The following PDSS2 variants were observed in gnomAD, a reference collection of about 807,000 sequenced individuals.
PDSS2 encodes the protein all trans-polyprenyl-diphosphate synthase PDSS2.
PDSS2 carries 31 observed loss-of-function variants against 44.5 expected under a neutral mutation model. The ratio of observed to expected loss-of-function variants is 0.70; its 90% CI spans 0.52 to 0.94. The LOEUF (loss-of-function observed/expected upper bound fraction) is 0.94. Ranked by LOEUF, PDSS2 falls within the 40% of genes least tolerant of loss-of-function variation. The pLI is 0.00. For missense variants in PDSS2, 452 were observed against 482.2 expected, an observed-to-expected ratio of 0.94 and a Z score of 0.59; for synonymous variants, 157 against 180.3, an observed-to-expected ratio of 0.87 and a Z score of 1.03.
intron 7 of PDSS2, among the ~76,000 whole-genome samples, chr6:107,191,356 G>T (rs971791337): frequency 2.0e-5 from 3 of 152,180 alleles, no homozygotes; most frequent in Non-Finnish European, 4.4e-5. Flanking sequence ...AGGAATGGAA[G>T]AGAGACCAAG....
intron 3 of PDSS2, among the ~76,000 whole-genome samples, chr6:107,271,948 C>T (rs1488760685): frequency 2.0e-5 from 3 of 151,940 alleles, no homozygotes; most frequent in African/African-American, 7.3e-5. Context: ...CCTGTGGTCC[C>T]AGCTACTTGG....
intron 1 of PDSS2, among the ~76,000 whole-genome samples, chr6:107,367,711 G>A (rs1779001319): frequency 6.6e-6 from 1 of 151,294 alleles, no homozygotes; most frequent in African/African-American, 2.4e-5. Context: ...GCTTGAACCC[G>A]GGAGGCGGAG....
intron 4 of PDSS2, among the ~76,000 whole-genome samples, chr6:107,220,835 G>A (rs1339396966): frequency 6.6e-6 from 1 of 152,086 alleles, no homozygotes; most frequent in Non-Finnish European, 1.5e-5. Context: ...TACCTTTTAT[G>A]AGTTTGGTTA....
intron 4 of PDSS2, among the ~76,000 whole-genome samples, chr6:107,215,758 T>C (rs1046057789): frequency 1.3e-5 from 2 of 152,182 alleles, no homozygotes; most frequent in Non-Finnish European, 2.9e-5. Flanking sequence ...GTATTAACTA[T>C]AGCTTTCATA....
chr6:107,331,278 T>A (rs9373942), intron 2 of PDSS2, among the ~76,000 whole-genome samples: 22,743 of 152,052 alleles, frequency 0.15, 2,125 homozygotes, highest in East Asian at 0.26. Flanking sequence ...TTTTTCACAT[T>A]AACAAGTGTG....
At chr6:107,365,134 ATTTCT>A (rs947748269) in intron 1 of PDSS2, among the ~76,000 whole-genome samples, 1 of 152,190 alleles carries the variant, frequency 6.6e-6, no homozygotes, top group Non-Finnish European at 1.5e-5. Flanking sequence ...CATTTTTCTC[ATTTCT>A]TCTCTTAAAT....
intron 1 of PDSS2, among the ~76,000 whole-genome samples, chr6:107,395,610 CT>C (rs1434816845): frequency 6.6e-6 from 1 of 151,890 alleles, no homozygotes. Flanking sequence ...CCATTTGGCT[CT>C]TTATATTTTC....
At chr6:107,402,921 T>C (rs1780194143) in intron 1 of PDSS2, among the ~76,000 whole-genome samples, 1 of 152,002 alleles carries the variant, frequency 6.6e-6, no homozygotes, top group African/African-American at 2.4e-5. Context: ...AGCCAAACCA[T>C]ATCATTCCAC....
intron 1 of PDSS2, among the ~76,000 whole-genome samples, chr6:107,447,061 C>T (rs1781707105): frequency 6.6e-6 from 1 of 152,152 alleles, no homozygotes; most frequent in Non-Finnish European, 1.5e-5. Flanking sequence ...CGGCCGGGCG[C>T]AGTGGCTCAC....
intron 1 of PDSS2, among the ~76,000 whole-genome samples, chr6:107,364,650 G>A (rs947793190): frequency 6.7e-6 from 1 of 149,754 alleles, no homozygotes; most frequent in Non-Finnish European, 1.5e-5. Context: ...TGCAAGCTGA[G>A]GGAGTGGGCT....
chr6:107,417,008 T>C (rs1463724896), intron 1 of PDSS2, among the ~76,000 whole-genome samples: 3 of 152,010 alleles, frequency 2.0e-5, no homozygotes, highest in Non-Finnish European at 2.9e-5. Context: ...GCGGGTGGAT[T>C]GCTTGAGCCC....
chr6:107,235,038 A>G (rs1774178211), intron 4 of PDSS2, among the ~76,000 whole-genome samples: 1 of 152,240 alleles, frequency 6.6e-6, no homozygotes, highest in Non-Finnish European at 1.5e-5. Context: ...AACAAAAGAC[A>G]GTGACACCCA....
At chr6:107,346,362 C>T (rs543659962) in intron 1 of PDSS2, among the ~76,000 whole-genome samples, 353 of 152,214 alleles carry the variant, frequency 2.3e-3, no homozygotes, top group Non-Finnish European at 4.0e-3. Flanking sequence ...GACAACTGTC[C>T]GTGAGGTGGT....
chr6:107,250,078 C>A (rs1774762404), intron 3 of PDSS2, among the ~76,000 whole-genome samples: 1 of 151,938 alleles, frequency 6.6e-6, no homozygotes, highest in Admixed American at 6.6e-5. Flanking sequence ...GATGAATACC[C>A]TCACAAAGGA....
intron 1 of PDSS2, among the ~76,000 whole-genome samples, chr6:107,345,966 C>G (rs1335331036): frequency 1.3e-5 from 2 of 152,148 alleles, no homozygotes; most frequent in Admixed American, 6.5e-5. Context: ...CAAACCTTAG[C>G]TCTCATAATC....
rs541962004 is a variant in PDSS2, at chr6:107,189,132, C to T, written c.1041+4690G>A. 3.3e-5 allele frequency among the ~76,000 whole-genome samples: 5 copies of T among 152,280 alleles called. No individual in the cohort carries two copies. The East Asian group carries it at 9.7e-4, about 29-fold the overall frequency. Reference sequence around the variant, plus strand: ...ACACAATCTCAGCTGACTGCAACCTCTGCCTCTCAGGCTCAAGCAATCCTC... The same window carrying T: ...ACACAATCTCAGCTGACTGCAACCTTTGCCTCTCAGGCTCAAGCAATCCTC... On this transcript the variant is annotated intron_variant, in intron 7 of 7. Coordinates refer to ENST00000369037, the MANE Select transcript of PDSS2 (RefSeq NM_020381.4).
At chr6:107,277,106 G>A (rs1178834135) in intron 2 of PDSS2, among the ~76,000 whole-genome samples, 1 of 152,190 alleles carries the variant, frequency 6.6e-6, no homozygotes, top group Non-Finnish European at 1.5e-5. Flanking sequence ...ACTAGATTAG[G>A]CTGCCTTCCA....
chr6:107,434,942 A>C (rs950810701), intron 1 of PDSS2, among the ~76,000 whole-genome samples: 10 of 152,008 alleles, frequency 6.6e-5, no homozygotes, highest in African/African-American at 2.4e-4. Context: ...TACTCATAAA[A>C]ATTTTTTTTA....
At chr6:107,322,971 TA>T (rs1777428930) in intron 2 of PDSS2, among the ~76,000 whole-genome samples, 3 of 152,206 alleles carry the variant, frequency 2.0e-5, no homozygotes, top group African/African-American at 7.2e-5. Flanking sequence ...TCTTTGCCTC[TA>T]TTATCAACAC....
Sources: gnomAD v4.1 joint callset for allele counts (sites outside exome capture counted in the v4.1 genomes callset) on GRCh38, gnomAD v4.1.1 for gene constraint, MANE v1.5 for transcripts, NCBI Gene and HGNC (gene_info 2026-07-23, HGNC 2026-07-21) for gene names.